The following PTPRA variants were observed in gnomAD, a reference collection of about 807,000 sequenced individuals.
The protein encoded by PTPRA is protein tyrosine phosphatase receptor type A.
Under a neutral mutation model 104.8 loss-of-function variants are expected in PTPRA, and 25 were observed. That is an observed-to-expected ratio of 0.24 (90% CI 0.17 to 0.33). PTPRA has a LOEUF of 0.33. PTPRA is among the 10% of genes least tolerant of loss of function. The pLI, the probability that PTPRA is intolerant of heterozygous loss-of-function variation, is 1.00. For missense variants in PTPRA, 765 were observed against 1,015.3 expected, an observed-to-expected ratio of 0.75 and a Z score of 3.35; for synonymous variants, 323 against 368.9, an observed-to-expected ratio of 0.88 and a Z score of 1.43.
Position 2,923,216 on chromosome 20 carries a change from C to G in PTPRA, c.-119C>G, listed in dbSNP as rs919366910. The G allele has an allele frequency of 1.5e-5, 18 of 1,219,892 alleles. No homozygotes were observed. The highest frequency in any genetic ancestry group is 1.9e-5 in the Non-Finnish European group (18 of 937,190). The allele number at this position is 1,219,892 out of a possible 1,614,324, so 75.6% of individuals were successfully genotyped here. Reference sequence around the variant, plus strand: ...TTTCCTTTTGTTGCAGGTGACACAACTAAAAAAAAACAAAGGTATTTATGG... The same window carrying G: ...TTTCCTTTTGTTGCAGGTGACACAAGTAAAAAAAAACAAAGGTATTTATGG... On this transcript the variant is annotated 5_prime_UTR_variant, in exon 2 of 24. Coordinates refer to ENST00000399903, the MANE Select transcript of PTPRA (RefSeq NM_001385305.1).
At chr20:2,888,024 C>G (rs955793725) in intron 1 of PTPRA, among the ~76,000 whole-genome samples, 1 of 152,326 alleles carries the variant, frequency 6.6e-6, no homozygotes, top group Non-Finnish European at 1.5e-5. Context: ...TCTCTCTCCC[C>G]AGTTTGGGGT....
At chr20:2,915,198 C>T (rs1260495099) in intron 1 of PTPRA, among the ~76,000 whole-genome samples, 1 of 152,032 alleles carries the variant, frequency 6.6e-6, no homozygotes, top group Non-Finnish European at 1.5e-5. Context: ...CTCAAGTAAT[C>T]CTCCCACCTC....
intron 1 of PTPRA, among the ~76,000 whole-genome samples, chr20:2,910,241 A>G (rs1249897622): frequency 1.0e-5 from 1 of 96,946 alleles, no homozygotes; most frequent in Non-Finnish European, 2.0e-5. Flanking sequence ...ATTGTATATT[A>G]TATATAATAT....
At chr20:2,922,171 C>G (rs929905633) in intron 1 of PTPRA, among the ~76,000 whole-genome samples, 6 of 152,142 alleles carry the variant, frequency 3.9e-5, no homozygotes, top group Admixed American at 6.5e-5. Flanking sequence ...GTGTTCTATA[C>G]TACCCTTACT....
At chr20:2,876,336 C>T (rs1600036759) in intron 1 of PTPRA, among the ~76,000 whole-genome samples, 1 of 152,188 alleles carries the variant, frequency 6.6e-6, no homozygotes, top group Admixed American at 6.5e-5. Flanking sequence ...TCTCCTGTCT[C>T]CCTAACCTCC....
chr20:2,878,765 C>A (rs756384839), intron 1 of PTPRA, among the ~76,000 whole-genome samples: 26 of 152,156 alleles, frequency 1.7e-4, no homozygotes, highest in Non-Finnish European at 2.8e-4. Context: ...AGTGCTATTA[C>A]AAAGAAATGT....
intron 1 of PTPRA, among the ~76,000 whole-genome samples, chr20:2,901,357 T>C (rs2059230211): frequency 6.6e-6 from 1 of 152,150 alleles, no homozygotes; most frequent in South Asian, 2.1e-4. Context: ...CAGTTCCTCT[T>C]GTAATGGTGG....
At chr20:2,886,696 A>AC (rs959724213) in intron 1 of PTPRA, among the ~76,000 whole-genome samples, 3 of 151,358 alleles carry the variant, frequency 2.0e-5, no homozygotes, top group Non-Finnish European at 4.4e-5. Context: ...AAAAAAAAAA[A>AC]AAATACAAAA....
At chr20:3,033,098 T>A (rs1600290011) in intron 20 of PTPRA, among the ~76,000 whole-genome samples, 2 of 151,956 alleles carry the variant, frequency 1.3e-5, no homozygotes, top group African/African-American at 4.8e-5. Flanking sequence ...CTCTGTTTTC[T>A]TTTGACACAC....
intron 3 of PTPRA, among the ~76,000 whole-genome samples, chr20:2,959,287 G>C (rs991268381): frequency 1.3e-5 from 2 of 152,086 alleles, no homozygotes; most frequent in African/African-American, 4.8e-5. Flanking sequence ...TTTATTGTAG[G>C]CTAATTGTTA....
At chr20:2,869,481 A>C (rs867072213), upstream of PTPRA, among the ~76,000 whole-genome samples, 2 of 152,206 alleles carry the variant, frequency 1.3e-5, no homozygotes, top group South Asian at 4.1e-4. Flanking sequence ...TGCTTACTCA[A>C]TTGAAATTAG....
intron 6 of PTPRA, among the ~76,000 whole-genome samples, chr20:2,982,052 T>G (rs1425977553): frequency 6.6e-6 from 1 of 152,098 alleles, no homozygotes; most frequent in Non-Finnish European, 1.5e-5. Flanking sequence ...TTTAGCCCAG[T>G]GTCTTAAGCC....
chr20:2,901,181 G>T (rs911676296), intron 1 of PTPRA, among the ~76,000 whole-genome samples: 3 of 152,034 alleles, frequency 2.0e-5, no homozygotes, highest in Admixed American at 6.6e-5. Flanking sequence ...ATCTTGGCCA[G>T]ACTGGCCTCG....
chr20:2,904,206 C>T (rs987868053), intron 1 of PTPRA, among the ~76,000 whole-genome samples: 6 of 152,114 alleles, frequency 3.9e-5, no homozygotes, highest in African/African-American at 1.4e-4. Context: ...AGCCATGGCG[C>T]CCAGTCTATG....
intron 1 of PTPRA, among the ~76,000 whole-genome samples, chr20:2,895,156 A>T (rs1293024341): frequency 4.0e-5 from 6 of 151,802 alleles, no homozygotes; most frequent in Admixed American, 3.9e-4. Flanking sequence ...GCTCACTGCA[A>T]CCTCTGCCTC....
chr20:2,995,822 T>C (rs1337619697), intron 9 of PTPRA, among the ~76,000 whole-genome samples: 2 of 152,248 alleles, frequency 1.3e-5, no homozygotes, highest in African/African-American at 4.8e-5. Context: ...TTTTGTTCTC[T>C]AATATTGTCA....
At chr20:2,984,736 T>C (rs972760439) in intron 6 of PTPRA, among the ~76,000 whole-genome samples, 6 of 152,238 alleles carry the variant, frequency 3.9e-5, no homozygotes, top group Admixed American at 3.9e-4. Flanking sequence ...GCATCTTATA[T>C]TGAACTGGCC....
chr20:3,019,148 G>C (rs1343735740), intron 13 of PTPRA, among the ~76,000 whole-genome samples: 1 of 142,672 alleles, frequency 7.0e-6, no homozygotes, highest in Non-Finnish European at 1.5e-5. Context: ...CTGGCCGGGC[G>C]GGGGGCTGAT....
chr20:3,036,981 A>C (rs2065830151), intron 22 of PTPRA, among the ~76,000 whole-genome samples, 173 bp from the exon 23 acceptor site: 1 of 152,168 alleles, frequency 6.6e-6, no homozygotes, highest in South Asian at 2.1e-4. Context: ...CCATGCAGGA[A>C]GGGCACAGGG....
Sources: gnomAD v4.1 joint callset for allele counts (sites outside exome capture counted in the v4.1 genomes callset) on GRCh38, gnomAD v4.1.1 for gene constraint, MANE v1.5 for transcripts, NCBI Gene and HGNC (gene_info 2026-07-23, HGNC 2026-07-21) for gene names.